Variants in PTPN9 observed in about 807,000 individuals in gnomAD.
The protein encoded by PTPN9 is protein tyrosine phosphatase non-receptor type 9, also known as tyrosine-protein phosphatase non-receptor type 9.
A neutral mutation model predicts 69.8 loss-of-function variants in PTPN9; 26 were observed. That is an observed-to-expected ratio of 0.37 (90% confidence interval 0.27 to 0.52). The LOEUF (loss-of-function observed/expected upper bound fraction) is 0.52, where lower values mean the gene tolerates loss of function less well. PTPN9 is among the 20% of genes least tolerant of loss of function. The probability of loss-of-function intolerance (pLI) is 0.91; values close to 1 mark genes in which losing one functional copy is unlikely to be tolerated. For missense variants in PTPN9, 549 were observed against 740.3 expected, an observed-to-expected ratio of 0.74 and a Z score of 3.00; for synonymous variants, 274 against 272.5, an observed-to-expected ratio of 1.01 and a Z score of -0.05.
chr15:75,474,164 A>T (rs2074583669), intron 9 of PTPN9, among the ~76,000 whole-genome samples: 1 of 152,192 alleles, frequency 6.6e-6, no homozygotes, highest in Non-Finnish European at 1.5e-5. Context: ...TAAACCATTA[A>T]CCTTCTGTTT....
intron 5 of PTPN9, among the ~76,000 whole-genome samples, chr15:75,513,828 G>A (rs2074855095): frequency 6.6e-6 from 1 of 151,876 alleles, no homozygotes; most frequent in Non-Finnish European, 1.5e-5. Flanking sequence ...GCTGGGCACG[G>A]TGGCTCACGT....
chr15:75,503,853 T>G (rs1201092619), intron 7 of PTPN9, among the ~76,000 whole-genome samples: 8 of 57,756 alleles, frequency 1.4e-4, no homozygotes, highest in Admixed American at 2.1e-4. Context: ...GGGAGGGAGG[T>G]GAGGGGGGGT....
intron 1 of PTPN9, among the ~76,000 whole-genome samples, chr15:75,530,461 AT>A (rs1481090613): frequency 9.9e-6 from 1 of 100,678 alleles, no homozygotes; most frequent in Admixed American, 1.7e-4. Flanking sequence ...ATAATAAAAT[AT>A]ATATTATAAT....
intron 7 of PTPN9, among the ~76,000 whole-genome samples, chr15:75,503,445 G>A (rs1475933910): frequency 5.7e-5 from 8 of 140,826 alleles, no homozygotes; most frequent in African/African-American, 1.9e-4. Context: ...CCCGGCAGCC[G>A]CCCCGTCTGA....
intron 1 of PTPN9, among the ~76,000 whole-genome samples, chr15:75,530,093 T>G (rs559497471): frequency 1.1e-3 from 155 of 147,062 alleles, no homozygotes; most frequent in African/African-American, 3.7e-3. Flanking sequence ...TCCCGGCTAG[T>G]CAGGAGGCTG....
At chr15:75,530,643 TAATATATATTATTATATAATATA>T (rs2141324428) in intron 1 of PTPN9, among the ~76,000 whole-genome samples, 1 of 60,426 alleles carries the variant, frequency 1.7e-5, no homozygotes, top group South Asian at 4.7e-4. Context: ...TAATATACTA[TAATATATATTATTATATAATATA>T]CTATTATATA....
intron 7 of PTPN9, among the ~76,000 whole-genome samples, chr15:75,501,015 G>A (rs958200571): frequency 6.6e-6 from 1 of 152,118 alleles, no homozygotes; most frequent in Non-Finnish European, 1.5e-5. Flanking sequence ...AATTTCCCTT[G>A]TTGATATATG....
intron 1 of PTPN9, among the ~76,000 whole-genome samples, chr15:75,547,457 C>G (rs547973941): frequency 2.0e-5 from 3 of 151,796 alleles, no homozygotes; most frequent in Non-Finnish European, 4.4e-5. Flanking sequence ...ATTAGCCAGG[C>G]GTGGTGGCAG....
intron 10 of PTPN9, among the ~76,000 whole-genome samples, chr15:75,472,185 C>T (rs1354081131): frequency 3.9e-5 from 6 of 152,166 alleles, no homozygotes; most frequent in Admixed American, 2.6e-4. Flanking sequence ...TCCGGCCAGG[C>T]GCGGTGGCTC....
intron 4 of PTPN9, among the ~76,000 whole-genome samples, chr15:75,517,687 C>T (rs1009326049): frequency 6.6e-6 from 1 of 152,168 alleles, no homozygotes; most frequent in Non-Finnish European, 1.5e-5. Context: ...CCGTACTCAA[C>T]CCCAAAGTTT....
At chr15:75,540,804 G>A (rs867955548) in intron 1 of PTPN9, among the ~76,000 whole-genome samples, 14 of 151,946 alleles carry the variant, frequency 9.2e-5, no homozygotes, top group Middle Eastern at 6.8e-3. Flanking sequence ...CAGGTGGGAC[G>A]AGATGACTCA....
At chr15:75,524,361 T>C (rs2074918373) in intron 2 of PTPN9, 63 bp from the exon 3 acceptor site, 2 of 914,416 alleles carry the variant, frequency 2.2e-6, no homozygotes, top group South Asian at 1.6e-5. Flanking sequence ...GACAGCACCA[T>C]GTAACCACCA....
At position 75,521,214 on chromosome 15, in the gene PTPN9, G is replaced by C. The variant is rs1169550106; in HGVS notation, c.422+1907C>G. On this transcript the variant is annotated intron_variant, in intron 4 of 12. Coordinates refer to ENST00000618819, the MANE Select transcript of PTPN9 (RefSeq NM_002833.4). Reference sequence around the variant, plus strand: ...TAATCCCAACACTTTGGGAGGCTGAGGTGGGTGGATCACGAGCTCAGGTGA... The same window carrying C: ...TAATCCCAACACTTTGGGAGGCTGACGTGGGTGGATCACGAGCTCAGGTGA... Among the ~76,000 whole-genome samples the C allele has an allele frequency of 2.6e-5, 4 of 151,490 alleles. No individual in the cohort carries two copies. In the East Asian group the frequency reaches 8.0e-4, roughly 30 times the overall value.
At chr15:75,495,293 T>C (rs975125572) in intron 7 of PTPN9, among the ~76,000 whole-genome samples, 1 of 150,778 alleles carries the variant, frequency 6.6e-6, no homozygotes, top group Non-Finnish European at 1.5e-5. Context: ...TAGACTAGAA[T>C]GAAAGAAAAA....
intron 6 of PTPN9, among the ~76,000 whole-genome samples, chr15:75,507,510 TAA>T (rs2141312083): frequency 6.6e-6 from 1 of 150,988 alleles, no homozygotes; most frequent in South Asian, 2.1e-4. Flanking sequence ...CTTATGCCTG[TAA>T]TCCCAGCACT....
chr15:75,550,141 A>G (rs1051258340), intron 1 of PTPN9, among the ~76,000 whole-genome samples: 9 of 151,926 alleles, frequency 5.9e-5, no homozygotes, highest in African/African-American at 1.9e-4. Flanking sequence ...GAGAACTCCA[A>G]GGCAGCCTGA....
intron 5 of PTPN9, among the ~76,000 whole-genome samples, chr15:75,514,867 TGATTG>T (rs1353837612): frequency 5.9e-5 from 9 of 152,300 alleles, no homozygotes; most frequent in Non-Finnish European, 1.3e-4. Flanking sequence ...CATATCCATT[TGATTG>T]GGAAAAAAAT....
intron 1 of PTPN9, among the ~76,000 whole-genome samples, chr15:75,574,031 G>A (rs1163265804): frequency 6.6e-6 from 1 of 152,106 alleles, no homozygotes; most frequent in Non-Finnish European, 1.5e-5. Context: ...AAGAAGGCAG[G>A]ACTATAAGGC....
intron 8 of PTPN9, among the ~76,000 whole-genome samples, chr15:75,488,267 G>C (rs2074689742): frequency 6.6e-6 from 1 of 151,902 alleles, no homozygotes; most frequent in Non-Finnish European, 1.5e-5. Context: ...GACAACAAGA[G>C]CGAAACTCTG....
Sources: allele counts gnomAD v4.1 joint callset (sites outside exome capture counted in the v4.1 genomes callset), GRCh38; gene constraint gnomAD v4.1.1; transcripts MANE v1.5; gene names NCBI Gene and HGNC (gene_info 2026-07-23, HGNC 2026-07-21).